Variants in CUBN observed in about 807,000 individuals in gnomAD.
CUBN encodes cubilin, also known as 460 kDa receptor.
CUBN carries 282 observed loss-of-function variants against 405.3 expected under a neutral mutation model. That is an observed-to-expected ratio of 0.70 (90% CI 0.63 to 0.77). CUBN has a LOEUF of 0.77. Ranked by LOEUF, CUBN falls within the 30% of genes least tolerant of loss-of-function variation. The pLI is 0.00. For missense variants in CUBN, 4,514 were observed against 4,475.2 expected (o/e 1.01, Z -0.25); for synonymous variants, 1,684 against 1,617.0 (o/e 1.04, Z -0.99).
chr10:17,092,733 C>T (rs1023660218), intron 14 of CUBN, among the ~76,000 whole-genome samples: 6 of 152,136 alleles, frequency 3.9e-5, no homozygotes, highest in Admixed American at 3.9e-4. Context: ...ACCCTCAGTT[C>T]CAGGAATTGC....
At chr10:16,862,597 C>T (rs556925617) in intron 59 of CUBN, among the ~76,000 whole-genome samples, 90 of 152,264 alleles carry the variant, frequency 5.9e-4, no homozygotes, top group Non-Finnish European at 4.4e-5. Flanking sequence ...AGAACACGGT[C>T]CCACTATTAT....
intron 27 of CUBN, among the ~76,000 whole-genome samples, chr10:17,039,082 C>A (rs947538622): frequency 1.5e-4 from 23 of 152,134 alleles, no homozygotes; most frequent in Admixed American, 7.2e-4. Flanking sequence ...TCTTTCCTCC[C>A]CCCTCTTTCT....
intron 28 of CUBN, among the ~76,000 whole-genome samples, chr10:16,990,949 G>C (rs144158823): frequency 0.01 from 1,551 of 152,256 alleles, 18 homozygotes; most frequent in Non-Finnish European, 0.015. Flanking sequence ...TTATTCTGCA[G>C]TCCCGTGCAG....
intron 32 of CUBN, among the ~76,000 whole-genome samples, chr10:16,954,090 A>G (rs1207894268): frequency 6.6e-6 from 1 of 151,090 alleles, no homozygotes; most frequent in African/African-American, 2.4e-5. Context: ...TTCTAGTGTA[A>G]AGCCTTGGGT....
At chr10:17,128,594 C>T (rs572011850) in intron 2 of CUBN, among the ~76,000 whole-genome samples, 12 of 152,268 alleles carry the variant, frequency 7.9e-5, no homozygotes, top group South Asian at 2.1e-4. Context: ...TTCCACCCTC[C>T]GTGCCTTCTC....
At chr10:17,026,207 T>C (rs961810434) in intron 27 of CUBN, among the ~76,000 whole-genome samples, 2 of 152,136 alleles carry the variant, frequency 1.3e-5, no homozygotes, top group African/African-American at 2.4e-5. Flanking sequence ...ATTAGGGTGA[T>C]TGTTAAAAAT....
chr10:16,865,274 T>C (rs562217415), intron 59 of CUBN, among the ~76,000 whole-genome samples: 4 of 152,240 alleles, frequency 2.6e-5, no homozygotes, highest in Non-Finnish European at 5.9e-5. Context: ...CCAGCCTACC[T>C]GAACATATTT....
chr10:16,956,261 A>G (rs1843061431), intron 31 of CUBN, among the ~76,000 whole-genome samples: 1 of 152,050 alleles, frequency 6.6e-6, no homozygotes. Flanking sequence ...TAAGTTTAAA[A>G]CAAATGTGGG....
chr10:16,941,139 T>C (rs1842640914), intron 36 of CUBN, among the ~76,000 whole-genome samples: 1 of 152,094 alleles, frequency 6.6e-6, no homozygotes, highest in Non-Finnish European at 1.5e-5. Context: ...CAAGATAAAG[T>C]GGTATTGGTG....
At chr10:17,010,659 T>TAAATAAATAA (rs10677408) in intron 28 of CUBN, among the ~76,000 whole-genome samples, 2 of 151,640 alleles carry the variant, frequency 1.3e-5, no homozygotes, top group African/African-American at 2.4e-5. Context: ...TAAATAAATA[T>TAAATAAATAA]ATAAATATCT....
chr10:16,853,807 G>A (rs1249596526), intron 59 of CUBN, among the ~76,000 whole-genome samples: 1 of 152,184 alleles, frequency 6.6e-6, no homozygotes, highest in Non-Finnish European at 1.5e-5. Flanking sequence ...TGATTCCAGT[G>A]TGAACTGACT....
chr10:17,109,846 T>A (rs1836729827), intron 9 of CUBN, 111 bp from the exon 10 acceptor site: 1 of 788,960 alleles, frequency 1.3e-6, no homozygotes, highest in South Asian at 1.5e-5. Context: ...TCCTCTATCA[T>A]CGAAACAAAA....
intron 14 of CUBN, among the ~76,000 whole-genome samples, chr10:17,092,451 A>G (rs1237723197): frequency 1.3e-5 from 2 of 152,192 alleles, no homozygotes; most frequent in African/African-American, 4.8e-5. Context: ...CAGGAGTTTA[A>G]GGAATTCATA....
intron 27 of CUBN, among the ~76,000 whole-genome samples, chr10:17,023,417 G>C (rs1834559924): frequency 6.7e-6 from 1 of 150,320 alleles, no homozygotes; most frequent in Admixed American, 6.6e-5. Context: ...TTTAAAGTTT[G>C]CCGTTAATAA....
intron 43 of CUBN, among the ~76,000 whole-genome samples, chr10:16,922,346 C>T (rs1449700895): frequency 6.6e-6 from 1 of 152,154 alleles, no homozygotes; most frequent in Non-Finnish European, 1.5e-5. Flanking sequence ...TTGATATGCC[C>T]TCTCTCCTAC....
intron 6 of CUBN, chr10:17,121,834 T>C (rs1051049618): frequency 1.3e-5 from 2 of 152,202 alleles, no homozygotes; most frequent in Non-Finnish European, 2.9e-5. Context: ...AGAGAGCAAA[T>C]AATTGCTCTT....
chr10:16,895,906 TA>T (rs1841168616), intron 54 of CUBN, among the ~76,000 whole-genome samples: 1 of 152,196 alleles, frequency 6.6e-6, no homozygotes, highest in Admixed American at 6.5e-5. Flanking sequence ...TACATTTTAT[TA>T]TATAATTTCT....
intron 59 of CUBN, among the ~76,000 whole-genome samples, chr10:16,855,669 A>G (rs1430833624): frequency 2.0e-5 from 3 of 152,232 alleles, no homozygotes; most frequent in Non-Finnish European, 2.9e-5. Context: ...TAGCACTGTC[A>G]TGGTAATAGC....
chr10:16,830,582 T>G (rs1368841900), intron 65 of CUBN, among the ~76,000 whole-genome samples: 15 of 152,202 alleles, frequency 9.9e-5, no homozygotes, highest in Non-Finnish European at 1.9e-4. Context: ...GAAGCACAAC[T>G]ACTCATATAT....
Sources: allele counts gnomAD v4.1 joint callset (sites outside exome capture counted in the v4.1 genomes callset), GRCh38; gene constraint gnomAD v4.1.1; transcripts MANE v1.5; gene names NCBI Gene and HGNC (gene_info 2026-07-23, HGNC 2026-07-21).